ZNF267: variants seen among roughly 807,000 people sequenced by gnomAD.
The protein encoded by ZNF267 is zinc finger protein 267, also known as zinc finger (C2H2).
ZNF267 carries 61 observed loss-of-function variants against 71.6 expected under a neutral mutation model. That is an observed-to-expected ratio of 0.85 (90% CI 0.69 to 1.05). ZNF267 has a LOEUF of 1.05. Ranked by LOEUF, ZNF267 falls within the 50% of genes least tolerant of loss-of-function variation. ZNF267 has a pLI of 0.00. For synonymous variants in ZNF267, 288 were observed against 293.2 expected (o/e 0.98, Z 0.18); for missense variants, 852 against 870.0 (o/e 0.98, Z 0.26).
intron 3 of ZNF267, chr16:31,895,120 TGAG>T (rs995454362): frequency 1.0e-5 from 2 of 194,318 alleles, no homozygotes; most frequent in Non-Finnish European, 1.0e-5. Context: ...TGGGAGCTGA[TGAG>T]GAGGCTCTGC....
intron 3 of ZNF267, among the ~76,000 whole-genome samples, chr16:31,897,886 G>A (rs1172883463): frequency 6.6e-6 from 1 of 152,072 alleles, no homozygotes; most frequent in Non-Finnish European, 1.5e-5. Context: ...GGCTTAAAAA[G>A]TTGTCTATCT....
At chr16:31,901,394 T>C (rs2084039993) in intron 3 of ZNF267, among the ~76,000 whole-genome samples, 1 of 152,222 alleles carries the variant, frequency 6.6e-6, no homozygotes, top group Admixed American at 6.5e-5. Context: ...TCACAATGGT[T>C]GAACTAGTTT....
At chr16:31,900,321 T>A (rs1358666346) in intron 3 of ZNF267, among the ~76,000 whole-genome samples, 1 of 152,224 alleles carries the variant, frequency 6.6e-6, no homozygotes, top group Admixed American at 6.5e-5. Context: ...TACTGTTACA[T>A]GATTTTGTGT....
At chr16:31,913,791 C>G (rs1013406477) in intron 3 of ZNF267, 2 of 152,280 alleles carry the variant, frequency 1.3e-5, no homozygotes, top group African/African-American at 4.8e-5. Context: ...CCCAAGCACT[C>G]TTCAGTCAGC....
intron 3 of ZNF267, among the ~76,000 whole-genome samples, chr16:31,911,576 G>A (rs1377391596): frequency 6.6e-6 from 1 of 150,924 alleles, no homozygotes; most frequent in East Asian, 1.9e-4. Context: ...TGTATTTCTT[G>A]TGGGCAGCAG....
Position 31,916,539 on chromosome 16 carries a change from A to G in ZNF267, c.*58A>G. 1 of 1,488,608 alleles carries G rather than the reference A, an allele frequency of 6.7e-7. No individual in the cohort carries two copies. The highest frequency in any genetic ancestry group is 2.3e-5 in the East Asian group (1 of 43,346). The allele number at this position is 1,488,608 out of a possible 1,614,324, so 92.2% of individuals were successfully genotyped here. ...TTACCCATGTCTTATTGTGCATCAG[A>G]TAATTTATATGGGAGTGAAACCCTA... On this transcript the variant is annotated 3_prime_UTR_variant, in exon 4 of 4. Coordinates refer to ENST00000300870, the MANE Select transcript of ZNF267 (RefSeq NM_003414.6).
chr16:31,902,647 C>T (rs1022375104), intron 3 of ZNF267, among the ~76,000 whole-genome samples: 2 of 152,098 alleles, frequency 1.3e-5, no homozygotes, highest in African/African-American at 4.8e-5. Flanking sequence ...GATTTTGTAT[C>T]CTGAGACTTT....
In ZNF267 at chr16:31,915,942, C is replaced by T. The variant is rs199631232; in HGVS notation, c.1693C>T (p.Arg565Ter). The change falls in exon 4 of 4, where the codon CGA becomes TGA. Residue 565 changes from arginine (R) to a stop codon, truncating the protein, a stop_gained. Coordinates refer to ENST00000300870, the MANE Select transcript of ZNF267 (RefSeq NM_003414.6). LOFTEE classifies it high-confidence loss of function. ...KAFPYSSHLI[R>*]HHRIHTGEKP... ...CTTTCCTTATAGTTCACACCTTATT[C>T]GACATCATCGAATTCATACTGGAGA... 1.1e-5 allele frequency: 17 copies of T among 1,612,882 alleles called. No homozygotes were observed. The highest frequency in any genetic ancestry group is 3.3e-5 in the South Asian group (3 of 91,002).
chr16:31,915,786 A>G lies in ZNF267; in HGVS notation c.1537A>G (p.Ile513Val), dbSNP rs749033519. The stretch of plus-strand genomic sequence containing the variant: ...TTCTTGCCTTACTCAACATCGGAAA[A>G]TTCATACTGGAGAAAATCTTTACAA... ...RSSCLTQHRK[I>V]HTGENLYKCK... The change falls in exon 4 of 4, where the codon ATT (isoleucine) becomes GTT (valine). Residue 513 changes from isoleucine to valine, a missense_variant. Ile to Val is a conservative substitution (Grantham distance 29). Coordinates refer to ENST00000300870, the MANE Select transcript of ZNF267 (RefSeq NM_003414.6). 1.7e-5 allele frequency: 28 copies of G among 1,613,160 alleles called. No homozygotes were observed. Among genetic ancestry groups the G allele is most frequent in the Non-Finnish European group, 2.2e-5 (26 of 1,179,982 alleles).
In ZNF267 at chr16:31,878,293, G is replaced by A. The variant is rs575395980; in HGVS notation, c.3+4324G>A. Among the ~76,000 whole-genome samples, 8 of 152,216 alleles carry A rather than the reference G, an allele frequency of 5.3e-5. No individual in the cohort carries two copies. In the South Asian group the frequency reaches 1.5e-3, roughly 28 times the overall value. On this transcript the variant is annotated intron_variant, in intron 1 of 3. Coordinates refer to ENST00000300870, the MANE Select transcript of ZNF267 (RefSeq NM_003414.6). ...ATTGTCCTTTGATTCCAGGTCTCCT[G>A]CTAGGGTGAGAAGGGACTGAACACT...
rs571632234 is a variant in ZNF267, at chr16:31,883,391, T to C, written c.4-1107T>C. On this transcript the variant is annotated intron_variant, in intron 1 of 3. Coordinates refer to ENST00000300870, the MANE Select transcript of ZNF267 (RefSeq NM_003414.6). ...CAGAAATATTATCTTACTTTTAGTG[T>C]GTATATAGTTACCATTATGTGCACA... Among the ~76,000 whole-genome samples the C allele has an allele frequency of 2.0e-5, 3 of 152,342 alleles. No individual in the cohort carries two copies. The South Asian group carries it at 6.2e-4, about 32-fold the overall frequency.
chr16:31,904,399 CATT>C lies in ZNF267; in HGVS notation c.227-10070_227-10068del, dbSNP rs552308244. On this transcript the variant is annotated intron_variant, in intron 3 of 3. Coordinates refer to ENST00000300870, the MANE Select transcript of ZNF267 (RefSeq NM_003414.6). ...GTTGACAATGGGTTGTTAAATCTCCCATTATTATTGTGTGGGAGTCTAAGTCTC... is the reference window on the plus strand; with the variant it reads ...GTTGACAATGGGTTGTTAAATCTCCCATTATTGTGTGGGAGTCTAAGTCTC... Among the ~76,000 whole-genome samples the C allele has an allele frequency of 3.3e-4, 50 of 152,300 alleles. No individual in the cohort carries two copies. In the South Asian group the frequency reaches 0.01, roughly 31 times the overall value.
At position 31,891,237 on chromosome 16, in the gene ZNF267, A is replaced by G. The variant is rs375648578; in HGVS notation, c.226+5981A>G. Among the ~76,000 whole-genome samples the G allele has an allele frequency of 9.2e-5, 14 of 152,218 alleles. No homozygotes were observed. In the South Asian group the frequency reaches 2.7e-3, roughly 29 times the overall value. On this transcript the variant is annotated intron_variant, in intron 3 of 3. Coordinates refer to ENST00000300870, the MANE Select transcript of ZNF267 (RefSeq NM_003414.6). The stretch of plus-strand genomic sequence containing the variant: ...TCCACAGTTTTTCTCCCTTTCACAC[A>G]TTTTATTACTGTATATGTTATACTT...
chr16:31,884,672 T>G, intron 2 of ZNF267, 48 bp downstream of exon 2: 1 of 1,568,886 alleles, frequency 6.4e-7, no homozygotes, highest in Non-Finnish European at 8.6e-7. Context: ...GAGTTTTATT[T>G]TCTTTTCAGA....
At chr16:31,905,220 T>A (rs2084078531) in intron 3 of ZNF267, among the ~76,000 whole-genome samples, 1 of 152,182 alleles carries the variant, frequency 6.6e-6, no homozygotes. Context: ...CCCTTAACAT[T>A]TTTTCCTTCC....
rs759866620 is a variant in ZNF267 at position 31,914,675 on chromosome 16, C to T, written c.426C>T (p.Ser142=). The T allele has an allele frequency of 4.3e-6, 7 of 1,614,016 alleles. No individual in the cohort carries two copies. The Admixed American group carries it at 1.2e-4, about 27-fold the overall frequency. ...TTAAATATGATCAATTTGATGAATC[C>T]TCTGTTGAAAGTTTGTTTCACCAGC... ...KTFKYDQFDE[S]SVESLFHQQI... The change falls in exon 4 of 4, where the codon TCC becomes TCT. Residue 142 remains serine, a synonymous_variant. Transcript: ENST00000300870.
Position 31,915,260 on chromosome 16 carries a change from TA to T in ZNF267, c.1012del (p.Thr338LeufsTer427). The T allele has an allele frequency of 6.2e-7, 1 of 1,614,010 alleles. No individual in the cohort carries two copies. The highest frequency in any genetic ancestry group is 1.1e-5 in the South Asian group (1 of 91,080). On this transcript the variant is annotated frameshift_variant, in exon 4 of 4. Coordinates refer to ENST00000300870, the MANE Select transcript of ZNF267 (RefSeq NM_003414.6). LOFTEE classifies it high-confidence loss of function. Reference sequence around the variant, plus strand: ...ATAGCTTAAACCATAGTTTGCACCTTACTCAACATCAGATCATTCCTACCGA... The same window carrying T: ...ATAGCTTAAACCATAGTTTGCACCTTCTCAACATCAGATCATTCCTACCGA... ...GDSLNHSLHL[T>X]QHQIIPTEEK...
chr16:31,890,786 A>G (rs2083954995), intron 3 of ZNF267, among the ~76,000 whole-genome samples: 1 of 152,230 alleles, frequency 6.6e-6, no homozygotes, highest in Admixed American at 6.5e-5. Flanking sequence ...ACACACTCCC[A>G]TAAGGACATT....
intron 3 of ZNF267, among the ~76,000 whole-genome samples, chr16:31,900,035 TTA>T (rs200466632): frequency 1.3e-5 from 2 of 151,124 alleles, no homozygotes; most frequent in East Asian, 1.9e-4. Flanking sequence ...ATGTGTTTAT[TTA>T]TATATATATA....
Sources: gnomAD v4.1 joint callset for allele counts (sites outside exome capture counted in the v4.1 genomes callset) on GRCh38, gnomAD v4.1.1 for gene constraint, MANE v1.5 for transcripts, NCBI Gene and HGNC (gene_info 2026-07-23, HGNC 2026-07-21) for gene names.